ANTXRL: variants seen among roughly 807,000 people sequenced by gnomAD.
The protein encoded by ANTXRL is anthrax toxin receptor-like.
Under a neutral mutation model 75.4 loss-of-function variants are expected in ANTXRL, and 63 were observed. The observed-to-expected ratio is 0.84, with a 90% confidence interval of 0.68 to 1.03. The LOEUF (loss-of-function observed/expected upper bound fraction) is 1.03. Ranked by LOEUF, ANTXRL falls within the 50% of genes least tolerant of loss-of-function variation. The pLI is 0.00. For missense variants in ANTXRL, 797 were observed against 789.4 expected, an observed-to-expected ratio of 1.01 and a Z score of -0.12; for synonymous variants, 335 against 291.3, an observed-to-expected ratio of 1.15 and a Z score of -1.53.
At chr10:46,314,644 T>G (rs1291173616) in intron 16 of ANTXRL, among the ~76,000 whole-genome samples, 1 of 150,842 alleles carries the variant, frequency 6.6e-6, no homozygotes, top group Non-Finnish European at 1.5e-5. Context: ...AGGGGTGGGG[T>G]GGTGGGGGGC....
chr10:46,293,806 A>G (rs1166675493), intron 2 of ANTXRL, 23 bp from the exon 3 acceptor site: 33 of 1,533,798 alleles, frequency 2.2e-5, no homozygotes, highest in Non-Finnish European at 2.7e-5. Context: ...CTGGCTTCTC[A>G]CCAGCACATG....
rs181157502 is a variant in ANTXRL at position 46,311,523 on chromosome 10, A to G, written c.1187A>G (p.Glu396Gly). ...TTCTTTTTTTAGGAGCCAGAGCAGG[A>G]AAAACCACCATCACCACCACCACCG... ...VQKPEKEPEQ[E>G]KPPSPPPPPP... The change falls in exon 15 of 17, where the codon GAA becomes GGA. Residue 396 changes from glutamate to glycine, a missense_variant. Around this residue, in one of 3 missense-constraint regions of ANTXRL, gnomAD observed 479 missense variants for 422.0 expected, o/e 1.14. Coordinates refer to ENST00000620264, the MANE Select transcript of ANTXRL (RefSeq NM_001278688.3). 469 of 1,532,768 alleles carry G rather than the reference A, an allele frequency of 3.1e-4. 5 individuals are homozygous for G. The African/African-American group carries it at 5.2e-3, about 17-fold the overall frequency. The allele number at this position is 1,532,768 out of a possible 1,614,324, so 94.9% of individuals were successfully genotyped here.
chr10:46,318,565 AG>A (rs1315484976), intron 16 of ANTXRL, among the ~76,000 whole-genome samples: 1 of 152,176 alleles, frequency 6.6e-6, no homozygotes, highest in African/African-American at 2.4e-5. Context: ...AAGCAGTGAG[AG>A]AAGACTTGCC....
At chr10:46,293,602 G>GA (rs1554957528) in intron 2 of ANTXRL, among the ~76,000 whole-genome samples, 1 of 151,574 alleles carries the variant, frequency 6.6e-6, no homozygotes, top group East Asian at 1.9e-4. Flanking sequence ...TGTCTTTGGG[G>GA]TGTTGGGAGT....
chr10:46,329,879 T>C lies in ANTXRL; in HGVS notation c.1691T>C (p.Phe564Ser). The C allele has an allele frequency of 6.5e-7, 1 of 1,535,186 alleles. No individual in the cohort carries two copies. The highest frequency in any genetic ancestry group is 1.2e-5 in the South Asian group (1 of 84,000). The change falls in exon 17 of 17, where the codon TTT (phenylalanine) becomes TCT (serine). Residue 564 changes from phenylalanine to serine, a missense_variant. Around this residue, in one of 3 missense-constraint regions of ANTXRL, gnomAD observed 479 missense variants for 422.0 expected, o/e 1.14. Coordinates refer to ENST00000620264, the MANE Select transcript of ANTXRL (RefSeq NM_001278688.3). ...RICLRHSPEY[F>S]SQAQTLCNPK... The stretch of plus-strand genomic sequence containing the variant: ...TGCCTGAGACACAGCCCGGAGTACT[T>C]TTCCCAAGCACAGACTCTGTGCAAC...
At chr10:46,298,955 G>A (rs1200851779) in intron 9 of ANTXRL, among the ~76,000 whole-genome samples, 1 of 151,756 alleles carries the variant, frequency 6.6e-6, no homozygotes, top group Non-Finnish European at 1.5e-5. Flanking sequence ...GGGTGGTGGT[G>A]TGAGTACCTT....
chr10:46,297,500 CCACTTTCAAGCCTAGTGGT>C (rs1487906043), intron 7 of ANTXRL, 26 bp downstream of exon 7: 5 of 1,533,450 alleles, frequency 3.3e-6, no homozygotes, highest in Admixed American at 3.9e-5. Context: ...TAACCAGGCG[CCACTTTCAAGCCTAGTGGT>C]CACTTTCGAG....
chr10:46,310,365 C>T, intron 13 of ANTXRL, 96 bp from the exon 14 acceptor site: 3 of 1,192,332 alleles, frequency 2.5e-6, no homozygotes, highest in Non-Finnish European at 3.6e-6. Flanking sequence ...GTGCTCTGTC[C>T]TGGTGCTCCA....
intron 16 of ANTXRL, among the ~76,000 whole-genome samples, chr10:46,325,104 A>G (rs1839152010): frequency 1.3e-5 from 2 of 150,454 alleles, no homozygotes; most frequent in South Asian, 4.3e-4. Context: ...TTCCCAGCTT[A>G]CATCTTGTTT....
At position 46,327,358 on chromosome 10, in the gene ANTXRL, G is replaced by A. The variant is rs188114855; in HGVS notation, c.1411-2241G>A. ...ATGGTCCTGGGAGGACTAGATTTGG[G>A]GATGGGTGGAGTCAGGGAGAGCAGG... On this transcript the variant is annotated intron_variant, in intron 16 of 16. Transcript: ENST00000620264. Among the ~76,000 whole-genome samples the A allele has an allele frequency of 3.9e-5, 6 of 152,202 alleles. No individual in the cohort carries two copies. The Middle Eastern group carries it at 0.01, about 259-fold the overall frequency.
intron 16 of ANTXRL, among the ~76,000 whole-genome samples, chr10:46,322,776 T>G (rs1282286455): frequency 6.6e-6 from 1 of 152,296 alleles, no homozygotes; most frequent in South Asian, 2.1e-4. Context: ...CCAAATCAAG[T>G]GCATTGCAGT....
chr10:46,309,523 A>G (rs535423030), intron 13 of ANTXRL, among the ~76,000 whole-genome samples: 22 of 152,304 alleles, frequency 1.4e-4, no homozygotes, highest in Admixed American at 2.6e-4. Flanking sequence ...TCAACAATCC[A>G]GACTTCTGGA....
Position 46,329,980 on chromosome 10 carries a change from AG to A in ANTXRL, c.1794del (p.Arg598SerfsTer3). 5 of 1,528,690 alleles carry A rather than the reference AG, an allele frequency of 3.3e-6. No homozygotes were observed. The highest frequency in any genetic ancestry group is 4.4e-6 in the Non-Finnish European group (5 of 1,145,016). 94.7% of individuals were successfully genotyped at this position (1,528,690 alleles called of 1,614,324 possible). On this transcript the variant is annotated frameshift_variant, in exon 17 of 17. Transcript: ENST00000620264. LOFTEE classifies it high-confidence loss of function. ...CSSRCRLPPARCLRPPSRMLP... is the reference protein window; with the variant it reads ...CSSRCRLPPAXCLRPPSRMLP... ...CTCCAGGTGCCGCCTCCCCCCAGCT[AG>A]GTGCTTGAGGCCTCCCTCCAGGATG...
At chr10:46,317,577 A>C (rs1838793598) in intron 16 of ANTXRL, among the ~76,000 whole-genome samples, 1 of 152,168 alleles carries the variant, frequency 6.6e-6, no homozygotes, top group African/African-American at 2.4e-5. Context: ...GTGGCCTCCA[A>C]CTGTCCAGGA....
chr10:46,295,986 T>C (rs1554958492), intron 3 of ANTXRL, 33 bp from the exon 4 acceptor site: 1 of 1,514,012 alleles, frequency 6.6e-7, no homozygotes, highest in Admixed American at 2.0e-5. Flanking sequence ...TCAATGTCTT[T>C]CCAGGTCAAC....
intron 14 of ANTXRL, 114 bp from the exon 15 acceptor site, chr10:46,311,396 C>T: frequency 7.2e-7 from 1 of 1,385,440 alleles, no homozygotes; most frequent in Admixed American, 3.0e-5. Context: ...GAAGGACCCT[C>T]CACTGTGGTG....
At chr10:46,301,905 G>A (rs1313216877) in intron 9 of ANTXRL, among the ~76,000 whole-genome samples, 1 of 152,182 alleles carries the variant, frequency 6.6e-6, no homozygotes, top group Non-Finnish European at 1.5e-5. Context: ...CAATGCCCTT[G>A]GCAGCTGCAG....
In ANTXRL at chr10:46,304,433, C is replaced by T. The variant is rs189664074; in HGVS notation, c.895+1613C>T. ...ATTGTTTTAAGACCATTACTCTTGC[C>T]TAAAAAGATCAGTTACAAGGGTGAC... On this transcript the variant is annotated intron_variant, in intron 10 of 16. Coordinates refer to ENST00000620264, the MANE Select transcript of ANTXRL (RefSeq NM_001278688.3). Among the ~76,000 whole-genome samples, 431 of 152,164 alleles carry T rather than the reference C, an allele frequency of 2.8e-3. 3 individuals are homozygous for T. The highest frequency in any genetic ancestry group is 0.022 in the East Asian group (112 of 5,182).
intron 1 of ANTXRL, 63 bp from the exon 2 acceptor site, chr10:46,291,995 G>A: frequency 6.8e-7 from 1 of 1,462,820 alleles, no homozygotes; most frequent in East Asian, 2.5e-5. Context: ...TGGGGGCGGG[G>A]CAGACACTTG....
Sources: allele counts gnomAD v4.1 joint callset (sites outside exome capture counted in the v4.1 genomes callset), GRCh38; gene constraint gnomAD v4.1.1; regional missense constraint gnomAD v4.1.1; transcripts MANE v1.5; gene names NCBI Gene and HGNC (gene_info 2026-07-23, HGNC 2026-07-21).